LTBP1: variants seen among roughly 807,000 people sequenced by gnomAD.
The protein encoded by LTBP1 is latent transforming growth factor beta binding protein 1.
A neutral mutation model predicts 207.6 loss-of-function variants in LTBP1; 129 were observed. The observed-to-expected ratio is 0.62, with a 90% CI of 0.54 to 0.72. The LOEUF (loss-of-function observed/expected upper bound fraction) is 0.72, where lower values mean the gene tolerates loss of function less well. LTBP1 is among the 30% of genes least tolerant of loss of function. The pLI, the probability that LTBP1 is intolerant of heterozygous loss-of-function variation, is 0.00. For synonymous variants in LTBP1, 963 were observed against 833.7 expected (o/e 1.16, Z -2.67); for missense variants, 2,281 against 2,217.2 (o/e 1.03, Z -0.58).
intron 7 of LTBP1, among the ~76,000 whole-genome samples, chr2:33,212,399 C>T (rs60523332): frequency 0.072 from 10,898 of 152,182 alleles, 819 homozygotes; most frequent in African/African-American, 0.19. Context: ...GTTAGGAGGC[C>T]GTCTGCCTAG....
At chr2:33,239,012 C>A (rs1346005751) in intron 9 of LTBP1, among the ~76,000 whole-genome samples, 1 of 152,146 alleles carries the variant, frequency 6.6e-6, no homozygotes, top group African/African-American at 2.4e-5. Context: ...GCCCAGCCCT[C>A]TTATTTCTGT....
intron 3 of LTBP1, among the ~76,000 whole-genome samples, chr2:33,082,896 G>T (rs865786748): frequency 1.3e-5 from 2 of 152,018 alleles, no homozygotes; most frequent in South Asian, 2.1e-4. Flanking sequence ...CACTGGGTGG[G>T]CATCTGGTCC....
chr2:32,995,748 C>G (rs1685166427), intron 2 of LTBP1, among the ~76,000 whole-genome samples: 1 of 152,176 alleles, frequency 6.6e-6, no homozygotes, highest in Non-Finnish European at 1.5e-5. Context: ...AAGATTGCGC[C>G]ACTGCACTCC....
intron 31 of LTBP1, among the ~76,000 whole-genome samples, chr2:33,374,129 T>C (rs2095106660): frequency 6.6e-6 from 1 of 152,208 alleles, no homozygotes. Flanking sequence ...TGAAAAAATA[T>C]TGTAACTGGG....
chr2:33,027,897 G>C (rs559572605), intron 3 of LTBP1, among the ~76,000 whole-genome samples: 2 of 152,246 alleles, frequency 1.3e-5, no homozygotes, highest in South Asian at 4.2e-4. Flanking sequence ...AGCCCAACTG[G>C]ATATAGCAGT....
At position 33,275,843 on chromosome 2, in the gene LTBP1, A is replaced by C. The variant is rs1377408958; in HGVS notation, c.2912A>C (p.His971Pro). ...AGGCCGGACGTCTGTGGGGAGGGGC[A>C]CTGTGTCAATACTGTGGGGGCCTTC... The part of the protein sequence containing the change: ...CLRPDVCGEG[H>P]CVNTVGAFRC... Residue 971 changes from histidine to proline, a missense_variant, in exon 18 of 34, where the codon CAC becomes CCC. His to Pro is a moderately conservative substitution (Grantham distance 77). Coordinates refer to ENST00000404816, the MANE Select transcript of LTBP1 (RefSeq NM_206943.4). 1 of 1,613,838 alleles carries C rather than the reference A, an allele frequency of 6.2e-7. No individual in the cohort carries two copies. Among genetic ancestry groups the C allele is most frequent in the Non-Finnish European group, 8.5e-7 (1 of 1,179,906 alleles).
intron 20 of LTBP1, among the ~76,000 whole-genome samples, chr2:33,298,222 G>A (rs1393605930): frequency 6.6e-6 from 1 of 152,062 alleles, no homozygotes; most frequent in East Asian, 1.9e-4. Context: ...TGTTCCCTTG[G>A]TCATTTTAAA....
chr2:33,097,109 C>T (rs777266419), intron 3 of LTBP1, among the ~76,000 whole-genome samples: 18 of 152,032 alleles, frequency 1.2e-4, no homozygotes, highest in Non-Finnish European at 2.1e-4. Context: ...ATCATATTTG[C>T]CTATAGATTC....
At chr2:33,212,214 C>G (rs146364561) in intron 7 of LTBP1, among the ~76,000 whole-genome samples, 3 of 152,334 alleles carry the variant, frequency 2.0e-5, no homozygotes, top group Non-Finnish European at 4.4e-5. Context: ...TTTTCATGCA[C>G]TCAGTGTTCC....
intron 15 of LTBP1, 57 bp from the exon 16 acceptor site, chr2:33,273,599 C>T: frequency 7.2e-7 from 1 of 1,379,314 alleles, no homozygotes; most frequent in African/African-American, 1.5e-5. Context: ...TTGAGAGTAG[C>T]AGTGAAATCT....
chr2:33,116,679 A>G (rs561808259), intron 4 of LTBP1, among the ~76,000 whole-genome samples: 2 of 151,848 alleles, frequency 1.3e-5, no homozygotes, highest in East Asian at 3.9e-4. Flanking sequence ...AACAGATATA[A>G]CTCAGGCTCT....
intron 2 of LTBP1, among the ~76,000 whole-genome samples, chr2:32,992,025 A>G (rs1256737324): frequency 1.3e-5 from 2 of 152,184 alleles, no homozygotes; most frequent in Non-Finnish European, 2.9e-5. Flanking sequence ...GTTGCATATA[A>G]ATTCTGACTT....
chr2:33,383,039 C>T (rs1422110176), intron 31 of LTBP1, among the ~76,000 whole-genome samples: 3 of 152,284 alleles, frequency 2.0e-5, no homozygotes, highest in East Asian at 1.9e-4. Context: ...AATTTCATAA[C>T]TTTTACTAAT....
At chr2:33,275,175 C>T in intron 17 of LTBP1, 85 bp downstream of exon 17, 1 of 1,472,082 alleles carries the variant, frequency 6.8e-7, no homozygotes, top group Non-Finnish European at 9.2e-7. Context: ...AGTGCTTATC[C>T]AGACAACCCA....
At chr2:33,262,681 C>A (rs2093050889) in intron 13 of LTBP1, 41 bp from the exon 14 acceptor site, 5 of 967,930 alleles carry the variant, frequency 5.2e-6, no homozygotes, top group Non-Finnish European at 7.7e-6. Context: ...ACTTTCAATT[C>A]TTTTTTTTTT....
chr2:33,177,906 T>C (rs1367843657), intron 5 of LTBP1, among the ~76,000 whole-genome samples: 1 of 152,196 alleles, frequency 6.6e-6, no homozygotes, highest in Non-Finnish European at 1.5e-5. Context: ...TTTGTGGGCA[T>C]AGATAATGTA....
At chr2:33,288,154 C>T (rs1043760168) in intron 19 of LTBP1, among the ~76,000 whole-genome samples, 2 of 152,162 alleles carry the variant, frequency 1.3e-5, no homozygotes, top group Admixed American at 1.3e-4. Context: ...AAATAATTGG[C>T]TATGTTGACA....
intron 3 of LTBP1, among the ~76,000 whole-genome samples, chr2:33,035,426 A>G (rs2075875191): frequency 6.6e-6 from 1 of 152,266 alleles, no homozygotes; most frequent in African/African-American, 2.4e-5. Context: ...ATCTTTTCAT[A>G]GGCTAAACTG....
chr2:33,397,149 T>C lies in LTBP1; in HGVS notation c.4851T>C (p.Phe1617=), dbSNP rs1213985946. 2 of 1,614,022 alleles carry C rather than the reference T, an allele frequency of 1.2e-6. No individual in the cohort carries two copies. Among genetic ancestry groups the C allele is most frequent in the South Asian group, 2.2e-5 (2 of 91,052 alleles). Residue 1617 remains phenylalanine, a synonymous_variant, in exon 33 of 34, where the codon TTT becomes TTC. Coordinates refer to ENST00000404816, the MANE Select transcript of LTBP1 (RefSeq NM_206943.4). ...YFIQDRFLNS[F]EELQAEECGI... ...CCTTTCCAGGTTTTCTAAATAGCTT[T>C]GAGGAGTTACAGGCTGAGGAATGCG... is the stretch of plus-strand genomic sequence containing the variant.
Sources: allele counts gnomAD v4.1 joint callset (sites outside exome capture counted in the v4.1 genomes callset), GRCh38; gene constraint gnomAD v4.1.1; transcripts MANE v1.5; gene names NCBI Gene and HGNC (gene_info 2026-07-23, HGNC 2026-07-21).